The following VIL1 variants were observed in gnomAD, a reference collection of about 807,000 sequenced individuals.
VIL1 encodes villin 1, also known as villin-1.
VIL1 carries 86 observed loss-of-function variants against 104.0 expected under a neutral mutation model. That is an observed-to-expected ratio of 0.83 (90% CI 0.69 to 0.99). VIL1 has a LOEUF of 0.99. VIL1 is among the 50% of genes least tolerant of loss of function. VIL1 has a pLI of 0.00. For missense variants in VIL1, 944 were observed against 1,054.1 expected (o/e 0.90, Z 1.45); for synonymous variants, 394 against 412.6 (o/e 0.95, Z 0.55).
At chr2:218,430,679 G>T in intron 9 of VIL1, 46 bp from the exon 10 acceptor site, 1 of 1,537,324 alleles carries the variant, frequency 6.5e-7, no homozygotes, top group East Asian at 2.3e-5. Flanking sequence ...TTGGGAGTGG[G>T]GACTAGGGGA....
intron 9 of VIL1, among the ~76,000 whole-genome samples, chr2:218,430,469 G>A (rs1346621402): frequency 6.6e-6 from 1 of 152,130 alleles, no homozygotes; most frequent in Non-Finnish European, 1.5e-5. Flanking sequence ...TTGTGTTTCG[G>A]TATTAGATTT....
rs1689153143 is a variant in VIL1, at chr2:218,434,509, T to C, written c.1501-17T>C. On this transcript the variant is annotated splice_polypyrimidine_tract_variant and intron_variant, in intron 13 of 19. Transcript: ENST00000248444. ...GACTCCTGACTCTCTCTCCCTGTCT[T>C]CTGCCCTCACCTGCAGGGAGGCACC... 1 of 1,602,568 alleles carries C rather than the reference T, an allele frequency of 6.2e-7. No homozygotes were observed. The highest frequency in any genetic ancestry group is 1.3e-5 in the African/African-American group (1 of 74,612).
rs1688933155 is a variant in VIL1, at chr2:218,423,832, G to T, written c.54G>T (p.Gly18=). The change falls in exon 2 of 20, where the codon GGG becomes GGT. Residue 18 remains glycine, a synonymous_variant. Transcript: ENST00000248444. The part of the protein sequence containing the change: ...VKGSLNITTP[G]LQIWRIEAMQ... ...GCTCTCTCAACATCACCACCCCGGGGCTGCAGATATGGAGGATCGAGGTGA... is the reference window on the plus strand; with the variant it reads ...GCTCTCTCAACATCACCACCCCGGGTCTGCAGATATGGAGGATCGAGGTGA... 1 of 1,614,180 alleles carries T rather than the reference G, an allele frequency of 6.2e-7. No homozygotes were observed. The highest frequency in any genetic ancestry group is 2.2e-5 in the East Asian group (1 of 44,874).
At position 218,430,817 on chromosome 2, in the gene VIL1, G is replaced by T. The variant is rs1239789922; in HGVS notation, c.1041G>T (p.Gln347His). 1.2e-6 allele frequency: 2 copies of T among 1,614,046 alleles called. No individual in the cohort carries two copies. Among genetic ancestry groups the T allele is most frequent in the Non-Finnish European group, 1.7e-6 (2 of 1,179,994 alleles). The change falls in exon 10 of 20, where the codon CAG (glutamine) becomes CAT (histidine). Residue 347 changes from glutamine (Q) to histidine (H), a missense_variant. By Grantham distance (24) the Gln-to-His change is conservative. Transcript: ENST00000248444. ...CGGCCGTCTTTCAGCAGCTCTTCCA[G>T]AAGTGGACAGCGTCCAACCGGACCT... is the stretch of plus-strand genomic sequence containing the variant. ...AESAVFQQLF[Q>H]KWTASNRTSG...
chr2:218,431,439 C>G (rs528818355), intron 10 of VIL1, among the ~76,000 whole-genome samples: 1 of 151,696 alleles, frequency 6.6e-6, no homozygotes, highest in Admixed American at 6.6e-5. Context: ...AACCGAACAG[C>G]TTCAGTCTCT....
intron 9 of VIL1, 76 bp from the exon 10 acceptor site, chr2:218,430,649 G>A: frequency 6.6e-7 from 1 of 1,510,506 alleles, no homozygotes; most frequent in Admixed American, 2.2e-5. Flanking sequence ...GGTTAGGTTA[G>A]AGCTAGGTTT....
chr2:218,449,221 A>C lies in VIL1; in HGVS notation c.2371-2A>C. 1.2e-6 allele frequency: 2 copies of C among 1,612,458 alleles called. No individual in the cohort carries two copies. Among genetic ancestry groups the C allele is most frequent in the South Asian group, 2.2e-5 (2 of 91,046 alleles). On this transcript the variant is annotated splice_acceptor_variant, in intron 19 of 19. Coordinates refer to ENST00000248444, the MANE Select transcript of VIL1 (RefSeq NM_007127.3). LOFTEE classifies it high-confidence loss of function. Reference sequence around the variant, plus strand: ...TGCCCTCTGGTCCCTCTCTTCTTCTAGGAACACCTGTCCATTGAAGATTTC... The same window carrying C: ...TGCCCTCTGGTCCCTCTCTTCTTCTCGGAACACCTGTCCATTGAAGATTTC...
chr2:218,428,350 A>C lies in VIL1; in HGVS notation c.567+13A>C, dbSNP rs372438063. The C allele has an allele frequency of 1.2e-5, 19 of 1,608,156 alleles. 1 individual carries two copies. In the African/African-American group the frequency reaches 1.6e-4, roughly 14 times the overall value. ...GGAGAGACTCAGGGTAAACCTGCCC[A>C]TGCACCACACCTCCCTCTCGAATCC... On this transcript the variant is annotated intron_variant, in intron 6 of 19. Coordinates refer to ENST00000248444, the MANE Select transcript of VIL1 (RefSeq NM_007127.3).
rs748431639 is a variant in VIL1, at chr2:218,428,026, C to T, written c.409C>T (p.Gln137Ter). Reference protein sequence around the residue: ...KHVETNSYDVQRLLHVKGKRN... With the variant: ...KHVETNSYDV ...CGTGGAGACCAACTCCTATGACGTC[C>T]AGAGGCTGCTGCATGTCAAGGGCAA... The change falls in exon 5 of 20, where the codon CAG (glutamine) becomes TAG (stop). Residue 137 changes from glutamine to a stop codon, truncating the protein, a stop_gained. Transcript: ENST00000248444. LOFTEE classifies it high-confidence loss of function. 3.1e-6 allele frequency: 5 copies of T among 1,614,152 alleles called. No individual in the cohort carries two copies. The South Asian group carries it at 5.5e-5, about 18-fold the overall frequency.
At chr2:218,427,025 C>T (rs1689013411) in intron 4 of VIL1, among the ~76,000 whole-genome samples, 2 of 152,154 alleles carry the variant, frequency 1.3e-5, no homozygotes, top group African/African-American at 2.4e-5. Flanking sequence ...CCTGGGATTA[C>T]AGGCATGAGC....
At position 218,434,514 on chromosome 2, in the gene VIL1, C is replaced by T; in HGVS notation, c.1501-12C>T. On this transcript the variant is annotated splice_polypyrimidine_tract_variant and intron_variant, in intron 13 of 19. Transcript: ENST00000248444. ...CTGACTCTCTCTCCCTGTCTTCTGCCCTCACCTGCAGGGAGGCACCTCCCG... is the reference window on the plus strand; with the variant it reads ...CTGACTCTCTCTCCCTGTCTTCTGCTCTCACCTGCAGGGAGGCACCTCCCG... 15 of 1,605,242 alleles carry T rather than the reference C, an allele frequency of 9.3e-6. No individual in the cohort carries two copies. Among genetic ancestry groups the T allele is most frequent in the Non-Finnish European group, 1.3e-5 (15 of 1,175,992 alleles).
chr2:218,426,022 C>G (rs1481010321), intron 4 of VIL1, among the ~76,000 whole-genome samples: 1 of 152,162 alleles, frequency 6.6e-6, no homozygotes, highest in Non-Finnish European at 1.5e-5. Context: ...GTGATTGTCC[C>G]TCACCTTTCC....
intron 15 of VIL1, among the ~76,000 whole-genome samples, chr2:218,436,183 T>C (rs1395210778): frequency 6.6e-6 from 1 of 151,966 alleles, no homozygotes; most frequent in East Asian, 1.9e-4. Context: ...TAGTCCCTAG[T>C]TCAAAAGCAA....
At chr2:218,433,967 CG>C (rs1270426586) in intron 13 of VIL1, among the ~76,000 whole-genome samples, 1 of 151,096 alleles carries the variant, frequency 6.6e-6, no homozygotes, top group African/African-American at 2.4e-5. Context: ...GAGGCCAAGG[CG>C]GGCGGATCTC....
chr2:218,439,841 GA>G (rs1368326267), intron 18 of VIL1, among the ~76,000 whole-genome samples: 1 of 140,326 alleles, frequency 7.1e-6, no homozygotes, highest in African/African-American at 2.7e-5. Context: ...AAAAAAACCC[GA>G]AAAAAGAAAA....
rs1419661268 is a variant in VIL1 at position 218,437,947 on chromosome 2, G to A, written c.2160+635G>A. ...AAGGTACAGTGAAGCCTGGCCTGGT[G>A]GCTCTGGGTGCTCTAAATTGTCACA... On this transcript the variant is annotated intron_variant, in intron 17 of 19. Coordinates refer to ENST00000248444, the MANE Select transcript of VIL1 (RefSeq NM_007127.3). Among the ~76,000 whole-genome samples the A allele has an allele frequency of 2.0e-5, 3 of 152,194 alleles. No individual in the cohort carries two copies. In the East Asian group the frequency reaches 5.8e-4, roughly 29 times the overall value.
chr2:218,434,599 CCAA>C lies in VIL1; in HGVS notation c.1580_1582del (p.Asn527del), dbSNP rs779007153. 6.2e-7 allele frequency: 1 copy of C among 1,614,154 alleles called. No individual in the cohort carries two copies. Among genetic ancestry groups the C allele is most frequent in the South Asian group, 1.1e-5 (1 of 91,082 alleles). ...CTGTTCCAGGTCCAGGGAACTGGCG[CCAA>C]CAACACCAAGGCCTTTGAGGTCCCA... On this transcript the variant is annotated inframe_deletion, in exon 14 of 20. Transcript: ENST00000248444.
chr2:218,432,945 C>T lies in VIL1; in HGVS notation c.1494C>T (p.Val498=). ...LMSIFKGRMV[V]YQGGTSRTNN... is the part of the protein sequence containing the mutation. Reference sequence around the variant, plus strand: ...CCATCTTCAAGGGACGCATGGTGGTCTACCAGGTGTGGCTGCTGAACTGAG... The same window carrying T: ...CCATCTTCAAGGGACGCATGGTGGTTTACCAGGTGTGGCTGCTGAACTGAG... The change falls in exon 13 of 20, where the codon GTC becomes GTT. Residue 498 remains valine (V), a synonymous_variant. Transcript: ENST00000248444. The T allele has an allele frequency of 6.2e-7, 1 of 1,614,152 alleles. No homozygotes were observed. The highest frequency in any genetic ancestry group is 1.1e-5 in the South Asian group (1 of 91,082).
chr2:218,432,287 TG>T, intron 12 of VIL1, 104 bp downstream of exon 12: 1 of 1,498,660 alleles, frequency 6.7e-7, no homozygotes, highest in Non-Finnish European at 8.9e-7. Flanking sequence ...CCTCTGGGGA[TG>T]GGGTGCTCAC....
Sources: allele counts gnomAD v4.1 joint callset (sites outside exome capture counted in the v4.1 genomes callset), GRCh38; gene constraint gnomAD v4.1.1; transcripts MANE v1.5; gene names NCBI Gene and HGNC (gene_info 2026-07-23, HGNC 2026-07-21).